Variants in DAB1 observed in about 807,000 individuals in gnomAD.
DAB1 encodes the protein disabled homolog 1.
DAB1 carries 15 observed loss-of-function variants against 64.6 expected under a neutral mutation model. The ratio of observed to expected loss-of-function variants is 0.23; its 90% CI spans 0.16 to 0.36. DAB1 has a LOEUF of 0.36. Among genes scored for constraint, DAB1 ranks in the 10% least tolerant of loss-of-function variants. The pLI is 1.00. For missense variants in DAB1, 596 were observed against 706.7 expected (o/e 0.84, Z 1.78); for synonymous variants, 235 against 251.9 (o/e 0.93, Z 0.64).
intron 5 of DAB1, among the ~76,000 whole-genome samples, chr1:57,905,749 A>T (rs752986441): frequency 2.6e-5 from 4 of 152,144 alleles, no homozygotes; most frequent in African/African-American, 4.8e-5. Context: ...TAACATACAG[A>T]GATTGAGAAG....
At position 57,037,342 on chromosome 1, in the gene DAB1, T is replaced by C. The variant is rs550613043; in HGVS notation, c.724-11299A>G. On this transcript the variant is annotated intron_variant, in intron 9 of 14. Transcript: ENST00000371236. The stretch of plus-strand genomic sequence containing the variant: ...GTCCTGGCTGGGCACTGGAGATACC[T>C]AGATGAATAACACATGGTCCTTCTT... 2.6e-5 allele frequency among the ~76,000 whole-genome samples: 4 copies of C among 152,322 alleles called. No homozygotes were observed. The East Asian group carries it at 5.8e-4, about 22-fold the overall frequency.
intron 5 of DAB1, among the ~76,000 whole-genome samples, chr1:58,040,345 C>A (rs867459651): frequency 1.3e-5 from 2 of 152,028 alleles, no homozygotes; most frequent in Non-Finnish European, 2.9e-5. Context: ...CATGTCTATC[C>A]CTCTTGAAGC....
intron 3 of DAB1, among the ~76,000 whole-genome samples, chr1:58,490,794 T>TC (rs1645668996): frequency 8.5e-6 from 1 of 117,226 alleles, no homozygotes; most frequent in Non-Finnish European, 1.7e-5. Flanking sequence ...TAGTCAACAT[T>TC]CTTTTTTTTT....
In DAB1 at chr1:58,381,926, GAAGTGAGACTGAATGACA is replaced by G. The variant is rs1644393580; in HGVS notation, n.258-38541_258-38524del. ...AGTGAGACTGAATGACACCATCAAAGAAGTGAGACTGAATGACACCATCAAAGAAGTGAGACTGAATGA... is the reference window on the plus strand; with the variant it reads ...AGTGAGACTGAATGACACCATCAAAGCCATCAAAGAAGTGAGACTGAATGA... On this transcript the variant is annotated intron_variant and non_coding_transcript_variant, in intron 3 of 20. Coordinates refer to the DAB1 transcript ENST00000485760. Among the ~76,000 whole-genome samples, 5 of 152,222 alleles carry G rather than the reference GAAGTGAGACTGAATGACA, an allele frequency of 3.3e-5. No homozygotes were observed. The South Asian group carries it at 1.0e-3, about 32-fold the overall frequency.
At chr1:58,005,009 C>T (rs552537564) in intron 5 of DAB1, among the ~76,000 whole-genome samples, 1 of 152,268 alleles carries the variant, frequency 6.6e-6, no homozygotes, top group East Asian at 1.9e-4. Flanking sequence ...GGAATTGACC[C>T]TGTTTTCCAG....
At chr1:57,934,765 T>C (rs758015524) in intron 5 of DAB1, among the ~76,000 whole-genome samples, 86 of 152,154 alleles carry the variant, frequency 5.7e-4, no homozygotes, top group Admixed American at 1.9e-3. Context: ...CACCGCGCAG[T>C]AGGGTTACGC....
intron 7 of DAB1, among the ~76,000 whole-genome samples, chr1:57,606,672 A>C (rs57902100): frequency 1.4e-5 from 1 of 70,430 alleles, no homozygotes; most frequent in Non-Finnish European, 2.9e-5. Context: ...ATATATATGA[A>C]ATATATATTA....
intron 6 of DAB1, among the ~76,000 whole-genome samples, chr1:57,821,028 G>A (rs1322391656): frequency 6.6e-6 from 1 of 151,890 alleles, no homozygotes; most frequent in Admixed American, 6.6e-5. Context: ...TTAGTCTCTC[G>A]ACAACCAAAC....
intron 3 of DAB1, among the ~76,000 whole-genome samples, chr1:58,362,462 C>T (rs1644176813): frequency 6.6e-6 from 1 of 152,166 alleles, no homozygotes; most frequent in Non-Finnish European, 1.5e-5. Flanking sequence ...GTGGACTAGT[C>T]CAGCTTTTGA....
intron 4 of DAB1, among the ~76,000 whole-genome samples, chr1:57,099,350 A>C (rs1654458047): frequency 6.6e-6 from 1 of 152,252 alleles, no homozygotes. Flanking sequence ...CTGAGCAAAA[A>C]TAAATGTTTG....
intron 4 of DAB1, among the ~76,000 whole-genome samples, chr1:58,222,067 G>A (rs1423352156): frequency 6.6e-6 from 1 of 152,188 alleles, no homozygotes; most frequent in Non-Finnish European, 1.5e-5. Context: ...CAGGCAAATA[G>A]GCTAAAATGG....
chr1:58,315,100 A>G (rs1662528924), intron 4 of DAB1, among the ~76,000 whole-genome samples: 1 of 152,208 alleles, frequency 6.6e-6, no homozygotes, highest in Non-Finnish European at 1.5e-5. Context: ...AAGTTTAGAA[A>G]TTGAGGGTGA....
At chr1:58,439,059 T>A (rs540960609) in intron 3 of DAB1, among the ~76,000 whole-genome samples, 11 of 151,990 alleles carry the variant, frequency 7.2e-5, no homozygotes. Flanking sequence ...CAGGTCTATA[T>A]CCCAAGCAGC....
chr1:57,552,049 A>C (rs1644920174), intron 7 of DAB1, among the ~76,000 whole-genome samples: 1 of 152,176 alleles, frequency 6.6e-6, no homozygotes, highest in African/African-American at 2.4e-5. Flanking sequence ...TCTCCTAGGC[A>C]TCCCCCGTTT....
chr1:58,007,668 G>C (rs1646605908), intron 5 of DAB1, among the ~76,000 whole-genome samples: 1 of 152,134 alleles, frequency 6.6e-6, no homozygotes, highest in Admixed American at 6.6e-5. Flanking sequence ...GGTCTCTTTT[G>C]AGAGTTGCTC....
At chr1:58,155,010 G>A (rs2100739631) in intron 4 of DAB1, among the ~76,000 whole-genome samples, 1 of 152,316 alleles carries the variant, frequency 6.6e-6, no homozygotes, top group Middle Eastern at 3.4e-3. Flanking sequence ...CCCATTGGCA[G>A]GTGGTGGTGT....
intron 7 of DAB1, among the ~76,000 whole-genome samples, chr1:57,585,337 A>G (rs1195753923): frequency 6.6e-6 from 1 of 151,432 alleles, no homozygotes; most frequent in African/African-American, 2.4e-5. Flanking sequence ...CAACAAAGTT[A>G]GATTTTTAAA....
chr1:58,245,255 A>C (rs576524142), intron 4 of DAB1, among the ~76,000 whole-genome samples: 1 of 152,294 alleles, frequency 6.6e-6, no homozygotes, highest in South Asian at 2.1e-4. Flanking sequence ...ACTAAAGTGA[A>C]AGCAGAAGGT....
At chr1:57,390,967 C>A (rs958858021) in intron 1 of DAB1, among the ~76,000 whole-genome samples, 1 of 152,184 alleles carries the variant, frequency 6.6e-6, no homozygotes, top group Non-Finnish European at 1.5e-5. Flanking sequence ...TCTAAATAAT[C>A]TTTTCCCACA....
Sources: gnomAD v4.1 joint callset for allele counts (sites outside exome capture counted in the v4.1 genomes callset) on GRCh38, gnomAD v4.1.1 for gene constraint, MANE v1.5 for transcripts, NCBI Gene and HGNC (gene_info 2026-07-23, HGNC 2026-07-21) for gene names.